Variants in HSF2BP observed in about 807,000 individuals in gnomAD.
HSF2BP encodes the protein heat shock factor 2-binding protein.
HSF2BP carries 35 observed loss-of-function variants against 35.0 expected under a neutral mutation model. The observed-to-expected ratio is 1.00, with a 90% CI of 0.76 to 1.32. The LOEUF (loss-of-function observed/expected upper bound fraction) is 1.32. Ranked by LOEUF, HSF2BP falls within the 40% of genes most tolerant of loss-of-function variation. HSF2BP has a pLI of 0.00. For missense variants in HSF2BP, 326 were observed against 321.7 expected, an observed-to-expected ratio of 1.01 and a Z score of -0.10; for synonymous variants, 114 against 117.4, an observed-to-expected ratio of 0.97 and a Z score of 0.18.
At position 43,587,901 on chromosome 21, in the gene HSF2BP, G is replaced by A. The variant is rs553223190; in HGVS notation, c.796+4324C>T. Among the ~76,000 whole-genome samples, 22 of 152,132 alleles carry A rather than the reference G, an allele frequency of 1.4e-4. 1 individual carries two copies. In the South Asian group the frequency reaches 3.3e-3, roughly 23 times the overall value. On this transcript the variant is annotated intron_variant, in intron 8 of 8. Coordinates refer to ENST00000291560, the MANE Select transcript of HSF2BP (RefSeq NM_007031.2). ...CTCATTACAATTTTCACTCACCCCC[G>A]GAAACTTCCGGAGGACCAGAGCTAA...
In HSF2BP at chr21:43,573,888, C is replaced by A. The variant is rs145777435; in HGVS notation, c.796+18337G>T. Among the ~76,000 whole-genome samples, 585 of 152,316 alleles carry A rather than the reference C, an allele frequency of 3.8e-3. 4 individuals are homozygous for A. The highest frequency in any genetic ancestry group is 0.013 in the African/African-American group (535 of 41,568). On this transcript the variant is annotated intron_variant, in intron 8 of 8. Transcript: ENST00000291560. Reference sequence around the variant, plus strand: ...CTCGATTCCCAACCTTTCGGGGCAACCTCGTGATGAGTAGTTTCGTTTGCT... The same window carrying A: ...CTCGATTCCCAACCTTTCGGGGCAAACTCGTGATGAGTAGTTTCGTTTGCT...
chr21:43,616,930 C>CAA (rs57442334), intron 6 of HSF2BP, among the ~76,000 whole-genome samples: 44 of 144,352 alleles, frequency 3.0e-4, no homozygotes, highest in East Asian at 1.0e-3. Flanking sequence ...GACTCCATCT[C>CAA]AAAAAAAAAA....
At position 43,633,303 on chromosome 21, in the gene HSF2BP, C is replaced by T. The variant is rs1250777906; in HGVS notation, c.410G>A (p.Ser137Asn). The change falls in exon 5 of 9, where the codon AGT becomes AAT. Residue 137 changes from serine to asparagine, a missense_variant. Transcript: ENST00000291560. ...CAAAATGGCCTTGACGACTTCCTCACTGCTGGAGACACCCCACAAGAGGGT... is the reference window on the plus strand; with the variant it reads ...CAAAATGGCCTTGACGACTTCCTCATTGCTGGAGACACCCCACAAGAGGGT... ...ACTLLWGVSSSEEVVKAILGG... is the reference protein window; with the variant it reads ...ACTLLWGVSSNEEVVKAILGG... 6.2e-7 allele frequency: 1 copy of T among 1,613,934 alleles called. No individual in the cohort carries two copies. Among genetic ancestry groups the T allele is most frequent in the Non-Finnish European group, 8.5e-7 (1 of 1,179,980 alleles).
chr21:43,619,099 C>T (rs529007403), intron 6 of HSF2BP, among the ~76,000 whole-genome samples: 2 of 152,214 alleles, frequency 1.3e-5, no homozygotes, highest in African/African-American at 2.4e-5. Flanking sequence ...AGGCCTGCAC[C>T]GCCACACCCA....
chr21:43,653,163 G>C lies in HSF2BP; in HGVS notation c.187+3424C>G, dbSNP rs183567234. ...GAAGAAAGAGAGAAAGAGAGACACA[G>C]AGAGAGAGAGAGAGAGAAAAGGGAA... On this transcript the variant is annotated intron_variant, in intron 3 of 8. Transcript: ENST00000291560. Among the ~76,000 whole-genome samples the C allele has an allele frequency of 3.3e-3, 440 of 133,762 alleles. 7 individuals are homozygous for C. The highest frequency in any genetic ancestry group is 0.031 in the Admixed American group (393 of 12,636). The allele number at this position is 133,762 out of a possible 152,430, so 87.8% of individuals were successfully genotyped here. A position where few individuals can be genotyped will look rare whatever the true frequency, so the allele number is the denominator to read the frequency against.
chr21:43,635,894 A>T (rs1379010327), intron 4 of HSF2BP, among the ~76,000 whole-genome samples: 4 of 141,864 alleles, frequency 2.8e-5, no homozygotes, highest in Non-Finnish European at 4.5e-5. Flanking sequence ...GTGCCACTGC[A>T]CTCCAGCCTG....
intron 8 of HSF2BP, among the ~76,000 whole-genome samples, chr21:43,579,765 T>C (rs1001802645): frequency 2.0e-5 from 3 of 152,254 alleles, no homozygotes; most frequent in Admixed American, 6.5e-5. Context: ...CTTGTTTTCT[T>C]TGAGTTCCGA....
At chr21:43,571,770 G>A (rs541403702) in intron 8 of HSF2BP, among the ~76,000 whole-genome samples, 4 of 123,576 alleles carry the variant, frequency 3.2e-5, no homozygotes, top group African/African-American at 9.5e-5. Flanking sequence ...AATGTGAGGA[G>A]TGTGAACAGA....
chr21:43,573,890 T>A (rs1157872223), intron 8 of HSF2BP, among the ~76,000 whole-genome samples: 1 of 152,170 alleles, frequency 6.6e-6, no homozygotes, highest in Admixed American at 6.5e-5. Flanking sequence ...CGGGGCAACC[T>A]CGTGATGAGT....
intron 6 of HSF2BP, among the ~76,000 whole-genome samples, chr21:43,629,729 T>A (rs1171637887): frequency 1.3e-5 from 2 of 152,158 alleles, no homozygotes; most frequent in Non-Finnish European, 2.9e-5. Flanking sequence ...ACAAAGAAAG[T>A]GGTTTCTTGA....
At chr21:43,623,055 G>C (rs568610511) in intron 6 of HSF2BP, among the ~76,000 whole-genome samples, 18 of 151,238 alleles carry the variant, frequency 1.2e-4, no homozygotes, top group Non-Finnish European at 2.5e-4. Flanking sequence ...CCTCCCACCT[G>C]AGTCTCTCAT....
intron 8 of HSF2BP, among the ~76,000 whole-genome samples, chr21:43,582,411 G>C (rs557046589): frequency 2.9e-4 from 43 of 150,644 alleles, no homozygotes; most frequent in African/African-American, 1.0e-3. Flanking sequence ...CCTGCTGCAG[G>C]AGATGAGGGC....
intron 3 of HSF2BP, 60 bp downstream of exon 3, chr21:43,656,527 G>C: frequency 6.7e-7 from 1 of 1,495,546 alleles, no homozygotes; most frequent in African/African-American, 1.4e-5. Flanking sequence ...ATTTACCTAG[G>C]GTAAATCTGC....
At chr21:43,572,417 A>T (rs1428979905) in intron 8 of HSF2BP, among the ~76,000 whole-genome samples, 1 of 152,216 alleles carries the variant, frequency 6.6e-6, no homozygotes, top group Non-Finnish European at 1.5e-5. Flanking sequence ...CCTGCTGTGG[A>T]CAGGACCCTG....
chr21:43,653,212 GAA>G (rs1323424949), intron 3 of HSF2BP, among the ~76,000 whole-genome samples: 5 of 122,942 alleles, frequency 4.1e-5, no homozygotes, highest in Non-Finnish European at 8.6e-5. Flanking sequence ...GAAGGGAAGG[GAA>G]GGGGAAGGGA....
chr21:43,642,456 C>T (rs1297596756), intron 4 of HSF2BP, among the ~76,000 whole-genome samples: 2 of 152,172 alleles, frequency 1.3e-5, no homozygotes, highest in African/African-American at 2.4e-5. Flanking sequence ...ACAGATAAGG[C>T]AGCTGCTAGA....
chr21:43,636,208 GAAA>G (rs1406437204), intron 4 of HSF2BP, among the ~76,000 whole-genome samples: 5 of 7,074 alleles, frequency 7.1e-4, no homozygotes, highest in African/African-American at 1.9e-3. Flanking sequence ...AAAAAAGAAA[GAAA>G]AGAAAAGAAA....
chr21:43,643,964 AAG>A (rs1477779465), intron 4 of HSF2BP, among the ~76,000 whole-genome samples: 2 of 152,006 alleles, frequency 1.3e-5, no homozygotes, highest in Admixed American at 6.6e-5. Flanking sequence ...CAAAAAAAAA[AAG>A]GAAAAAAAAA....
intron 3 of HSF2BP, among the ~76,000 whole-genome samples, chr21:43,655,793 G>A (rs1232483098): frequency 6.6e-6 from 1 of 152,218 alleles, no homozygotes. Flanking sequence ...TACGGTGGAT[G>A]AGAACTGTCC....
Sources: gnomAD v4.1 joint callset for allele counts (sites outside exome capture counted in the v4.1 genomes callset) on GRCh38, gnomAD v4.1.1 for gene constraint, MANE v1.5 for transcripts, NCBI Gene and HGNC (gene_info 2026-07-23, HGNC 2026-07-21) for gene names.